TXLNB: variants seen among roughly 807,000 people sequenced by gnomAD.
TXLNB encodes beta-taxilin.
A neutral mutation model predicts 57.4 loss-of-function variants in TXLNB; 37 were observed. That is an observed-to-expected ratio of 0.64 (90% CI 0.50 to 0.85). TXLNB has a LOEUF of 0.85. Among genes scored for constraint, TXLNB ranks in the 40% least tolerant of loss-of-function variants. The probability of loss-of-function intolerance (pLI) is 0.00; values close to 1 mark genes in which losing one functional copy is unlikely to be tolerated. For missense variants in TXLNB, 848 were observed against 825.6 expected (o/e 1.03, Z -0.33); for synonymous variants, 302 against 309.6 (o/e 0.98, Z 0.26).
the TXLNB span, among the ~76,000 whole-genome samples, chr6:139,165,263 TTTTA>T: frequency 1.3e-5 from 2 of 152,130 alleles, no homozygotes; most frequent in African/African-American, 4.8e-5. Context: ...AAAAAACAGA[TTTTA>T]TTTTTTAGAG....
At chr6:139,191,896 C>T in the TXLNB span, among the ~76,000 whole-genome samples, 3 of 152,112 alleles carry the variant, frequency 2.0e-5, no homozygotes, top group Admixed American at 6.5e-5. Flanking sequence ...CTGTGTCAAG[C>T]GAAAGTAACT....
the TXLNB span, among the ~76,000 whole-genome samples, chr6:139,217,881 AAAAAAAG>A: frequency 2.0e-5 from 3 of 151,202 alleles, no homozygotes; most frequent in East Asian, 1.9e-4. Context: ...AAAAAAAAAA[AAAAAAAG>A]AAAAAGAAAT....
At chr6:139,227,276 T>G in the TXLNB span, among the ~76,000 whole-genome samples, 1 of 150,456 alleles carries the variant, frequency 6.6e-6, no homozygotes, top group Non-Finnish European at 1.5e-5. Context: ...GAGGTGGAGG[T>G]TGAAGTGAGC....
intron 3 of TXLNB, 92 bp from the exon 4 acceptor site, chr6:139,270,718 T>G: frequency 1.7e-6 from 2 of 1,166,810 alleles, no homozygotes; most frequent in Non-Finnish European, 2.4e-6. Flanking sequence ...TACTCTGTGG[T>G]TGTTTGGAAA....
At chr6:139,322,300 T>C in the TXLNB span, among the ~76,000 whole-genome samples, 2 of 152,170 alleles carry the variant, frequency 1.3e-5, no homozygotes, top group African/African-American at 4.8e-5. Flanking sequence ...ATGAGGGCTT[T>C]CTTGTTGCAT....
chr6:139,296,511 C>CT (rs1235002903), upstream of TXLNB, among the ~76,000 whole-genome samples: 1 of 152,010 alleles, frequency 6.6e-6, no homozygotes, highest in Non-Finnish European at 1.5e-5. Context: ...TGATGTAGAT[C>CT]TTTTTTTCAT....
chr6:139,255,431 GTTC>G (rs1776310755), intron 7 of TXLNB, 130 bp downstream of exon 7: 1 of 724,748 alleles, frequency 1.4e-6, no homozygotes, highest in East Asian at 2.7e-5. Context: ...ATGTGAAGTT[GTTC>G]TTCATTTCCA....
At chr6:139,167,430 T>G in the TXLNB span, 1 of 978,190 alleles carries the variant, frequency 1.0e-6, no homozygotes, top group South Asian at 1.7e-5. Flanking sequence ...GTTGTTTTTT[T>G]GTTCTAGTCA....
chr6:139,206,979 A>C, the TXLNB span, among the ~76,000 whole-genome samples: 1 of 152,222 alleles, frequency 6.6e-6, no homozygotes, highest in Non-Finnish European at 1.5e-5. Context: ...CCAAATTTAT[A>C]AAATAATTAC....
chr6:139,166,837 G>C, the TXLNB span: 1 of 1,613,634 alleles, frequency 6.2e-7, no homozygotes, highest in African/African-American at 1.3e-5. Context: ...CCCCACCCAC[G>C]GGCTACTCCA....
chr6:139,302,934 A>T, the TXLNB span, among the ~76,000 whole-genome samples: 2 of 152,198 alleles, frequency 1.3e-5, no homozygotes, highest in African/African-American at 4.8e-5. Flanking sequence ...AAAAAAATTG[A>T]CAGAGAAATA....
intron 7 of TXLNB, among the ~76,000 whole-genome samples, chr6:139,252,524 C>T (rs549993337): frequency 8.5e-5 from 13 of 152,142 alleles, no homozygotes; most frequent in Non-Finnish European, 2.9e-5. Flanking sequence ...AGGGTTCTTG[C>T]AATTAGTGAG....
the TXLNB span, among the ~76,000 whole-genome samples, chr6:139,188,421 A>G: frequency 2.6e-5 from 4 of 152,140 alleles, no homozygotes; most frequent in African/African-American, 7.2e-5. Context: ...TCAAAAACCT[A>G]TTTCTTCTTT....
chr6:139,311,608 T>A, the TXLNB span, among the ~76,000 whole-genome samples: 2 of 152,200 alleles, frequency 1.3e-5, no homozygotes, highest in Non-Finnish European at 2.9e-5. Context: ...AGCAGTTTAT[T>A]GTTGTTAGTT....
intron 7 of TXLNB, chr6:139,255,339 T>C (rs539091330): frequency 1.3e-4 from 77 of 573,002 alleles, no homozygotes; most frequent in Non-Finnish European, 2.4e-4. Flanking sequence ...AACAAACCTT[T>C]GACTGGATGT....
the TXLNB span, among the ~76,000 whole-genome samples, chr6:139,164,266 T>C: frequency 2.6e-5 from 4 of 152,240 alleles, no homozygotes; most frequent in African/African-American, 9.6e-5. Flanking sequence ...GCTTCTGTCA[T>C]CTATACACAT....
At chr6:139,311,041 T>C in the TXLNB span, among the ~76,000 whole-genome samples, 1 of 152,220 alleles carries the variant, frequency 6.6e-6, no homozygotes, top group African/African-American at 2.4e-5. Context: ...TATGTATAAG[T>C]ACTAAGATAT....
chr6:139,262,284 G>A (rs1276855301), intron 5 of TXLNB, among the ~76,000 whole-genome samples: 1 of 152,118 alleles, frequency 6.6e-6, no homozygotes, highest in Non-Finnish European at 1.5e-5. Flanking sequence ...ATAGAGAGAG[G>A]ATTTTTAAAA....
chr6:139,219,662 G>A, the TXLNB span, among the ~76,000 whole-genome samples: 1 of 152,206 alleles, frequency 6.6e-6, no homozygotes, highest in Admixed American at 6.5e-5. Flanking sequence ...CCCCACAGAT[G>A]TGTCTGGGAG....
Sources: allele counts gnomAD v4.1 joint callset (sites outside exome capture counted in the v4.1 genomes callset), GRCh38; gene constraint gnomAD v4.1.1; transcripts MANE v1.5; gene names NCBI Gene and HGNC (gene_info 2026-07-23, HGNC 2026-07-21).